ATP6V1E1: variants seen among roughly 807,000 people sequenced by gnomAD.
ATP6V1E1 encodes ATPase H+ transporting V1 subunit E1, also known as V-type proton ATPase subunit E 1.
In ATP6V1E1, 21 loss-of-function variants were observed where a neutral mutation model predicts 35.2. The observed-to-expected ratio is 0.60, with a 90% CI of 0.42 to 0.86. The LOEUF (loss-of-function observed/expected upper bound fraction) is 0.86, where lower values mean the gene tolerates loss of function less well. ATP6V1E1 is among the 40% of genes least tolerant of loss of function. The probability of loss-of-function intolerance (pLI) is 0.00; values close to 1 mark genes in which losing one functional copy is unlikely to be tolerated. For missense variants in ATP6V1E1, 183 were observed against 272.6 expected, an observed-to-expected ratio of 0.67 and a Z score of 2.32; for synonymous variants, 83 against 87.8, an observed-to-expected ratio of 0.95 and a Z score of 0.30.
At chr22:17,594,172 CA>C (rs1223468355) in intron 8 of ATP6V1E1, among the ~76,000 whole-genome samples, 3 of 151,916 alleles carry the variant, frequency 2.0e-5, no homozygotes, top group Admixed American at 2.0e-4. Context: ...CCAGCCTGCG[CA>C]AAAAAGAGTG....
Position 17,592,372 on chromosome 22 carries a change from A to G in ATP6V1E1, c.*302T>C. On this transcript the variant is annotated 3_prime_UTR_variant, in exon 9 of 9. Transcript: ENST00000253413. ...AATACATCACCTTTAGGCCAGACGG[A>G]GAGTGGAGACCCAGGAAGCCCATGC... 2.5e-6 allele frequency: 1 copy of G among 398,268 alleles called. No homozygotes were observed. The highest frequency in any genetic ancestry group is 4.7e-6 in the Non-Finnish European group (1 of 214,610). 24.7% of individuals were successfully genotyped at this position (398,268 alleles called of 1,614,324 possible).
At chr22:17,600,318 C>A (rs1035508328) in intron 5 of ATP6V1E1, among the ~76,000 whole-genome samples, 1 of 151,822 alleles carries the variant, frequency 6.6e-6, no homozygotes, top group Non-Finnish European at 1.5e-5. Context: ...TGCCTATAAT[C>A]CCAGATTACT....
At chr22:17,626,434 G>C (rs1358115021) in intron 1 of ATP6V1E1, among the ~76,000 whole-genome samples, 1 of 151,990 alleles carries the variant, frequency 6.6e-6, no homozygotes, top group Non-Finnish European at 1.5e-5. Context: ...GAGCACAGTG[G>C]CATGATCATA....
At chr22:17,612,695 T>A in intron 4 of ATP6V1E1, 117 bp downstream of exon 4, 1 of 865,560 alleles carries the variant, frequency 1.2e-6, no homozygotes, top group Non-Finnish European at 1.7e-6. Flanking sequence ...ATAATTGGAA[T>A]GTTTTCTCTC....
At chr22:17,617,472 T>C (rs2057852556) in intron 2 of ATP6V1E1, among the ~76,000 whole-genome samples, 1 of 152,076 alleles carries the variant, frequency 6.6e-6, no homozygotes, top group Admixed American at 6.6e-5. Context: ...TTTTGTATTT[T>C]TTGTAGAGAT....
intron 7 of ATP6V1E1, among the ~76,000 whole-genome samples, chr22:17,597,347 C>T (rs1268337651): frequency 6.6e-6 from 1 of 151,856 alleles, no homozygotes; most frequent in African/African-American, 2.4e-5. Context: ...GACACTGGCT[C>T]TCCCCTTGTC....
At chr22:17,593,530 C>T (rs1487685774) in intron 8 of ATP6V1E1, among the ~76,000 whole-genome samples, 1 of 152,184 alleles carries the variant, frequency 6.6e-6, no homozygotes, top group Non-Finnish European at 1.5e-5. Flanking sequence ...CAGGGCAGTC[C>T]TAGCTACAGA....
intron 2 of ATP6V1E1, chr22:17,619,075 C>G (rs1369648291): frequency 2.2e-6 from 1 of 455,568 alleles, no homozygotes; most frequent in Non-Finnish European, 4.4e-6. Flanking sequence ...AGGCGGATCA[C>G]AAGGTCAAGA....
rs562719708 is a variant in ATP6V1E1, at chr22:17,616,556, G to A, written c.99+2905C>T. On this transcript the variant is annotated intron_variant, in intron 2 of 8. Transcript: ENST00000253413. ...TAGCTGGGCGTGATGGCATGCGCCT[G>A]TAGTCCCAGCTACTTGGGAGGCTGA... 8.6e-5 allele frequency among the ~76,000 whole-genome samples: 13 copies of A among 151,752 alleles called. No individual in the cohort carries two copies. The East Asian group carries it at 1.6e-3, about 18-fold the overall frequency.
intron 1 of ATP6V1E1, among the ~76,000 whole-genome samples, chr22:17,626,295 G>A (rs867907996): frequency 5.5e-4 from 64 of 117,344 alleles, no homozygotes; most frequent in South Asian, 3.0e-3. Flanking sequence ...GCAACAGAGC[G>A]AGACTTCGTC....
At chr22:17,626,048 T>G (rs773028398) in intron 1 of ATP6V1E1, among the ~76,000 whole-genome samples, 1 of 151,994 alleles carries the variant, frequency 6.6e-6, no homozygotes, top group Non-Finnish European at 1.5e-5. Flanking sequence ...AGCTCATGCC[T>G]GTAATCCCAG....
At chr22:17,594,669 A>T (rs2057722256) in intron 7 of ATP6V1E1, 53 bp from the exon 8 acceptor site, 4 of 1,430,310 alleles carry the variant, frequency 2.8e-6, no homozygotes, top group Non-Finnish European at 2.8e-6. Flanking sequence ...TGAGAAAGAT[A>T]CATGGTACCC....
intron 4 of ATP6V1E1, among the ~76,000 whole-genome samples, chr22:17,608,279 G>C (rs1266173164): frequency 6.6e-6 from 1 of 152,178 alleles, no homozygotes; most frequent in Admixed American, 6.5e-5. Flanking sequence ...ACCAAAACCA[G>C]AATTTTGTTT....
At chr22:17,604,243 A>G (rs2061101700) in intron 4 of ATP6V1E1, among the ~76,000 whole-genome samples, 1 of 152,168 alleles carries the variant, frequency 6.6e-6, no homozygotes, top group Non-Finnish European at 1.5e-5. Context: ...TCTAACTTCA[A>G]TTAACTTTCT....
At chr22:17,627,636 T>C (rs944416967) in intron 1 of ATP6V1E1, among the ~76,000 whole-genome samples, 1 of 150,514 alleles carries the variant, frequency 6.6e-6, no homozygotes, top group Non-Finnish European at 1.5e-5. Flanking sequence ...CAGGCCAATA[T>C]GGTGAGACCC....
At chr22:17,613,787 G>A (rs1432443824) in intron 2 of ATP6V1E1, among the ~76,000 whole-genome samples, 1 of 152,036 alleles carries the variant, frequency 6.6e-6, no homozygotes, top group East Asian at 1.9e-4. Context: ...CTAACACGGT[G>A]AAACCCTGTC....
At chr22:17,622,265 G>A (rs56704471) in intron 1 of ATP6V1E1, among the ~76,000 whole-genome samples, 20,602 of 152,100 alleles carry the variant, frequency 0.14, 1,983 homozygotes, top group African/African-American at 0.27. Context: ...TTTTATGCCA[G>A]TGTGAACCCA....
intron 1 of ATP6V1E1, among the ~76,000 whole-genome samples, chr22:17,627,231 C>CA (rs1408846057): frequency 2.6e-5 from 4 of 151,120 alleles, no homozygotes; most frequent in Admixed American, 2.6e-4. Flanking sequence ...GGGTTCACGC[C>CA]ATTCTCCTGC....
At chr22:17,626,539 C>CGTGTATTTGTGTTTATTAATATTAA (rs2057906772) in intron 1 of ATP6V1E1, among the ~76,000 whole-genome samples, 1 of 149,904 alleles carries the variant, frequency 6.7e-6, no homozygotes. Context: ...CCACACCTGG[C>CGTGTATTTGTGTTTATTAATATTAA]AATTTTTTTT....
Sources: gnomAD v4.1 joint callset for allele counts (sites outside exome capture counted in the v4.1 genomes callset) on GRCh38, gnomAD v4.1.1 for gene constraint, MANE v1.5 for transcripts, NCBI Gene and HGNC (gene_info 2026-07-23, HGNC 2026-07-21) for gene names.